The following MAN1A2 variants were observed in gnomAD, a reference collection of about 807,000 sequenced individuals.
MAN1A2 encodes mannosyl-oligosaccharide 1,2-alpha-mannosidase IB.
Under a neutral mutation model 75.7 loss-of-function variants are expected in MAN1A2, and 26 were observed. That is an observed-to-expected ratio of 0.34 (90% CI 0.25 to 0.48). The LOEUF (loss-of-function observed/expected upper bound fraction) is 0.48, where lower values mean the gene tolerates loss of function less well. Ranked by LOEUF, MAN1A2 falls within the 20% of genes least tolerant of loss-of-function variation. The pLI, the probability that MAN1A2 is intolerant of heterozygous loss-of-function variation, is 0.99. For missense variants in MAN1A2, 562 were observed against 775.5 expected, an observed-to-expected ratio of 0.72 and a Z score of 3.27; for synonymous variants, 247 against 264.6, an observed-to-expected ratio of 0.93 and a Z score of 0.65.
intron 12 of MAN1A2, among the ~76,000 whole-genome samples, chr1:117,513,361 T>G (rs1446449659): frequency 2.0e-5 from 3 of 151,964 alleles, no homozygotes; most frequent in African/African-American, 4.8e-5. Flanking sequence ...TTATGTTTGG[T>G]TTTTTTTACA....
chr1:117,408,610 ATTATC>A (rs1342745681), intron 3 of MAN1A2, among the ~76,000 whole-genome samples: 3 of 152,026 alleles, frequency 2.0e-5, no homozygotes, highest in Admixed American at 1.3e-4. Context: ...CTTTTCTTGT[ATTATC>A]TTTGTCTTGT....
At chr1:117,460,449 C>T (rs1475559943) in intron 6 of MAN1A2, 40 bp from the exon 7 acceptor site, 15 of 1,520,826 alleles carry the variant, frequency 9.9e-6, no homozygotes, top group Non-Finnish European at 1.3e-5. Context: ...TTGGTCTTTT[C>T]CCAATCCTGT....
chr1:117,489,868 G>A (rs375886686), intron 8 of MAN1A2, among the ~76,000 whole-genome samples: 2 of 151,222 alleles, frequency 1.3e-5, no homozygotes, highest in Non-Finnish European at 2.9e-5. Flanking sequence ...TGAATAATCT[G>A]TCTTTTCCTC....
chr1:117,422,570 G>A (rs1004532783), intron 5 of MAN1A2, among the ~76,000 whole-genome samples: 1 of 152,020 alleles, frequency 6.6e-6, no homozygotes, highest in Non-Finnish European at 1.5e-5. Flanking sequence ...TCTCATTGTT[G>A]TGAGTACTTT....
intron 1 of MAN1A2, among the ~76,000 whole-genome samples, chr1:117,369,424 A>G (rs922473968): frequency 6.6e-6 from 1 of 152,070 alleles, no homozygotes; most frequent in Non-Finnish European, 1.5e-5. Context: ...AGTATGTGGG[A>G]AAAAAAATCA....
rs188626875 is a variant in MAN1A2 at position 117,419,390 on chromosome 1, C to T, written c.775-1179C>T. ...TTTTTCCTTCCTCCTCATATTTAGTCAATGTCTGCTATGTGCCCTGTAGTA... is the reference window on the plus strand; with the variant it reads ...TTTTTCCTTCCTCCTCATATTTAGTTAATGTCTGCTATGTGCCCTGTAGTA... On this transcript the variant is annotated intron_variant, in intron 4 of 12. Transcript: ENST00000356554. 2.9e-3 allele frequency among the ~76,000 whole-genome samples: 448 copies of T among 152,048 alleles called. 13 individuals are homozygous for T. The highest frequency in any genetic ancestry group is 5.0e-4 in the Non-Finnish European group (34 of 67,928).
At chr1:117,430,008 CAGGGCGGCTGGCCGGGT>C (rs1648556918) in intron 5 of MAN1A2, among the ~76,000 whole-genome samples, 1 of 49,872 alleles carries the variant, frequency 2.0e-5, no homozygotes, top group African/African-American at 8.9e-5. Context: ...CCCTCCCGGA[CAGGGCGGCTGGCCGGGT>C]GGGGGGCTGA....
At chr1:117,416,932 A>AT (rs1210645203) in intron 4 of MAN1A2, among the ~76,000 whole-genome samples, 2 of 152,146 alleles carry the variant, frequency 1.3e-5, no homozygotes, top group Non-Finnish European at 2.9e-5. Context: ...TGTATGTGTG[A>AT]TAAGGGAACA....
At chr1:117,499,613 T>A in intron 11 of MAN1A2, 59 bp downstream of exon 11, 2 of 1,397,118 alleles carry the variant, frequency 1.4e-6, no homozygotes, top group South Asian at 2.8e-5. Context: ...CCTCCTATGA[T>A]GCCACATACC....
intron 9 of MAN1A2, 154 bp downstream of exon 9, chr1:117,493,416 T>C (rs951970640): frequency 2.1e-6 from 1 of 484,328 alleles, no homozygotes. Context: ...AGTTTGTTAC[T>C]ATTTTAATAG....
At chr1:117,475,035 C>T (rs981716533) in intron 8 of MAN1A2, among the ~76,000 whole-genome samples, 3 of 151,850 alleles carry the variant, frequency 2.0e-5, no homozygotes, top group Admixed American at 1.3e-4. Flanking sequence ...AGTGGAATTC[C>T]ACTGTATGGA....
intron 1 of MAN1A2, among the ~76,000 whole-genome samples, chr1:117,382,845 T>A (rs1018360859): frequency 5.9e-5 from 9 of 152,226 alleles, no homozygotes; most frequent in African/African-American, 2.2e-4. Flanking sequence ...GTTTGTATCC[T>A]CTTTTATTAG....
At chr1:117,476,389 T>C (rs888114365) in intron 8 of MAN1A2, among the ~76,000 whole-genome samples, 7 of 152,180 alleles carry the variant, frequency 4.6e-5, no homozygotes, top group Non-Finnish European at 8.8e-5. Flanking sequence ...GTTTGGGCTT[T>C]TGTTGCCGTT....
intron 11 of MAN1A2, among the ~76,000 whole-genome samples, chr1:117,500,091 G>T (rs1365364921): frequency 6.6e-6 from 1 of 151,846 alleles, no homozygotes; most frequent in East Asian, 1.9e-4. Flanking sequence ...AGACAGGAAT[G>T]TATGAGATAT....
At chr1:117,492,022 G>T (rs761220174) in intron 8 of MAN1A2, among the ~76,000 whole-genome samples, 1 of 152,062 alleles carries the variant, frequency 6.6e-6, no homozygotes, top group Non-Finnish European at 1.5e-5. Context: ...TCTACTCCTG[G>T]TGAAGAAGCT....
chr1:117,441,327 TTATTA>T (rs1164507545), intron 5 of MAN1A2, among the ~76,000 whole-genome samples: 1 of 152,180 alleles, frequency 6.6e-6, no homozygotes, highest in Non-Finnish European at 1.5e-5. Flanking sequence ...CTTCAACTAC[TTATTA>T]TATTATTAGA....
At chr1:117,491,315 C>T (rs1180796658) in intron 8 of MAN1A2, among the ~76,000 whole-genome samples, 2 of 152,004 alleles carry the variant, frequency 1.3e-5, no homozygotes, top group Admixed American at 1.3e-4. Flanking sequence ...TGCTCATTTA[C>T]CATTCTGAAA....
At chr1:117,423,516 A>AT (rs1350371330) in intron 5 of MAN1A2, among the ~76,000 whole-genome samples, 1 of 151,814 alleles carries the variant, frequency 6.6e-6, no homozygotes, top group African/African-American at 2.4e-5. Flanking sequence ...CCATTTATTT[A>AT]TTTTTTTATT....
In MAN1A2 at chr1:117,376,057, G is replaced by T. The variant is rs192004355; in HGVS notation, c.302+7572G>T. On this transcript the variant is annotated intron_variant, in intron 1 of 12. Transcript: ENST00000356554. ...CGCCCGAGTAGCTGGTACTACAGGC[G>T]CCCGCCACCACGCCCGGCTATTTTT... 7.1e-4 allele frequency among the ~76,000 whole-genome samples: 108 copies of T among 151,994 alleles called. 1 individual carries two copies. Among genetic ancestry groups the T allele is most frequent in the African/African-American group, 2.6e-3 (107 of 41,456 alleles).
Sources: allele counts gnomAD v4.1 joint callset (sites outside exome capture counted in the v4.1 genomes callset), GRCh38; gene constraint gnomAD v4.1.1; transcripts MANE v1.5; gene names NCBI Gene and HGNC (gene_info 2026-07-23, HGNC 2026-07-21).